Variants in CSMD1 observed in about 807,000 individuals in gnomAD.
CSMD1 encodes the protein CUB and sushi domain-containing protein 1.
Under a neutral mutation model 417.5 loss-of-function variants are expected in CSMD1, and 213 were observed. The ratio of observed to expected loss-of-function variants is 0.51; its 90% CI spans 0.46 to 0.57. CSMD1 has a LOEUF of 0.57. CSMD1 is among the 20% of genes least tolerant of loss of function. CSMD1 has a pLI of 0.00. For missense variants in CSMD1, 6,923 were observed against 4,529.7 expected (o/e 1.53, Z -15.17); for synonymous variants, 2,862 against 1,736.8 (o/e 1.65, Z -16.11).
chr8:4,403,212 C>G (rs964578322), intron 3 of CSMD1, among the ~76,000 whole-genome samples: 1 of 152,166 alleles, frequency 6.6e-6, no homozygotes, highest in African/African-American at 2.4e-5. Context: ...AACCAATTTT[C>G]TTTTCCTTAT....
rs185142878 is a variant in CSMD1, at chr8:3,147,072, C to T, written c.6031+4325G>A. 6.4e-3 allele frequency among the ~76,000 whole-genome samples: 975 copies of T among 151,988 alleles called. 12 individuals are homozygous for T. The highest frequency in any genetic ancestry group is 0.022 in the African/African-American group (927 of 41,408). On this transcript the variant is annotated intron_variant, in intron 40 of 69. Coordinates refer to ENST00000635120, the MANE Select transcript of CSMD1 (RefSeq NM_033225.6). Reference sequence around the variant, plus strand: ...TTACTCAGAGTAACTGGAGGAGCAACGCTTACTGGTAGGACAGCTGTGCCC... The same window carrying T: ...TTACTCAGAGTAACTGGAGGAGCAATGCTTACTGGTAGGACAGCTGTGCCC...
At chr8:4,588,374 CAGAGATAAAGAACTATCTCATAAAG>C (rs1799810026) in intron 2 of CSMD1, among the ~76,000 whole-genome samples, 1 of 61,724 alleles carries the variant, frequency 1.6e-5, no homozygotes, top group South Asian at 6.2e-4. Context: ...TATCTAGAGA[CAGAGATAAAGAACTATCTCATAAAG>C]ACAGAGATAA....
chr8:4,619,877 A>G (rs1801672177), intron 2 of CSMD1, among the ~76,000 whole-genome samples: 2 of 152,114 alleles, frequency 1.3e-5, no homozygotes, highest in Non-Finnish European at 2.9e-5. Flanking sequence ...TTTTAGGACA[A>G]TTACAGCATA....
intron 11 of CSMD1, among the ~76,000 whole-genome samples, chr8:3,489,329 CTAA>C (rs1283324030): frequency 6.6e-6 from 1 of 152,176 alleles, no homozygotes; most frequent in Non-Finnish European, 1.5e-5. Flanking sequence ...ACAGATGTCC[CTAA>C]TAATATTGAC....
rs145631978 is a variant in CSMD1, at chr8:3,052,766, T to A, written c.7475-119A>T. ...CATTTTTCATTAAAATTGTGAATTA[T>A]ATTTCTTTTTTTTTCTTTCTTTTTT... On this transcript the variant is annotated intron_variant, in intron 49 of 69. Transcript: ENST00000635120. The A allele has an allele frequency of 3.6e-4, 233 of 653,744 alleles. 2 individuals carry two copies. In the African/African-American group the frequency reaches 4.5e-3, roughly 13 times the overall value. 40.5% of individuals were successfully genotyped at this position (653,744 alleles called of 1,614,324 possible). A position where few individuals can be genotyped will look rare whatever the true frequency, so the allele number is the denominator to read the frequency against.
At chr8:4,662,025 G>C (rs770730544) in intron 1 of CSMD1, among the ~76,000 whole-genome samples, 2 of 151,988 alleles carry the variant, frequency 1.3e-5, no homozygotes, top group Admixed American at 6.6e-5. Context: ...ATTATATCAT[G>C]GACATACACA....
chr8:4,669,497 C>G (rs1043949173), intron 1 of CSMD1, among the ~76,000 whole-genome samples: 1 of 152,140 alleles, frequency 6.6e-6, no homozygotes, highest in Non-Finnish European at 1.5e-5. Flanking sequence ...AGTCATCTTT[C>G]CTTTCTGCCT....
rs1046384562 is a variant in CSMD1 at position 3,335,506 on chromosome 8, C to T, written c.3631+7788G>A. Among the ~76,000 whole-genome samples, 6 of 152,054 alleles carry T rather than the reference C, an allele frequency of 3.9e-5. 1 individual carries two copies. The highest frequency in any genetic ancestry group is 3.3e-4 in the Admixed American group (5 of 15,272). On this transcript the variant is annotated intron_variant, in intron 23 of 69. Coordinates refer to ENST00000635120, the MANE Select transcript of CSMD1 (RefSeq NM_033225.6). Reference sequence around the variant, plus strand: ...CAGCCTGACCAACATAGAGAAACTCCGTCTCTACTAAAAATACAAAATTAG... The same window carrying T: ...CAGCCTGACCAACATAGAGAAACTCTGTCTCTACTAAAAATACAAAATTAG...
At chr8:4,860,134 C>T (rs1314712647) in intron 1 of CSMD1, among the ~76,000 whole-genome samples, 1 of 151,446 alleles carries the variant, frequency 6.6e-6, no homozygotes, top group African/African-American at 2.4e-5. Flanking sequence ...AATTGGAAAT[C>T]ATCATTCTCA....
intron 1 of CSMD1, among the ~76,000 whole-genome samples, chr8:4,833,887 C>T (rs1405481137): frequency 1.3e-5 from 2 of 152,150 alleles, no homozygotes; most frequent in African/African-American, 4.8e-5. Context: ...AATAACAAAC[C>T]GTACATGTCA....
At chr8:4,326,623 G>A (rs181069215) in intron 3 of CSMD1, among the ~76,000 whole-genome samples, 2 of 152,258 alleles carry the variant, frequency 1.3e-5, no homozygotes, top group Admixed American at 6.5e-5. Flanking sequence ...AGAAACCTCA[G>A]AACATATAGG....
chr8:4,390,123 C>T (rs1427579037), intron 3 of CSMD1, among the ~76,000 whole-genome samples: 1 of 152,156 alleles, frequency 6.6e-6, no homozygotes, highest in East Asian at 1.9e-4. Flanking sequence ...ATTTTTAATG[C>T]TCAGCAATTG....
chr8:3,533,432 G>T (rs572064123), intron 10 of CSMD1, among the ~76,000 whole-genome samples: 2 of 152,062 alleles, frequency 1.3e-5, no homozygotes, highest in African/African-American at 4.8e-5. Context: ...CTCTGTCAGC[G>T]TCTATGAGTT....
chr8:3,820,398 G>A (rs769310579), intron 5 of CSMD1, among the ~76,000 whole-genome samples: 1 of 152,158 alleles, frequency 6.6e-6, no homozygotes, highest in African/African-American at 2.4e-5. Flanking sequence ...GACTAAAAGT[G>A]AGTCATATAC....
intron 26 of CSMD1, among the ~76,000 whole-genome samples, chr8:3,249,935 G>A (rs1331231131): frequency 6.6e-6 from 1 of 152,038 alleles, no homozygotes; most frequent in East Asian, 1.9e-4. Flanking sequence ...TAAATGTCAA[G>A]GACAAAATTA....
chr8:3,331,696 C>T (rs1181669592), intron 23 of CSMD1, among the ~76,000 whole-genome samples: 2 of 152,238 alleles, frequency 1.3e-5, no homozygotes, highest in African/African-American at 4.8e-5. Flanking sequence ...CCCCCAAAGA[C>T]ACAGCTGGCG....
chr8:3,733,758 T>A (rs1005313971), intron 6 of CSMD1, among the ~76,000 whole-genome samples: 27 of 152,138 alleles, frequency 1.8e-4, no homozygotes, highest in Admixed American at 7.9e-4. Flanking sequence ...AACCCTTATT[T>A]TACTTGTACT....
chr8:2,960,768 C>A (rs1803385005), intron 62 of CSMD1, among the ~76,000 whole-genome samples: 1 of 151,836 alleles, frequency 6.6e-6, no homozygotes, highest in South Asian at 2.1e-4. Flanking sequence ...TAAGTGGAAC[C>A]TTTTATGGGT....
At chr8:4,406,325 T>TCAAC (rs1805018416) in intron 3 of CSMD1, among the ~76,000 whole-genome samples, 1 of 152,106 alleles carries the variant, frequency 6.6e-6, no homozygotes, top group Non-Finnish European at 1.5e-5. Flanking sequence ...AGTTGTGAAT[T>TCAAC]CAACACACTC....
Sources: allele counts gnomAD v4.1 joint callset (sites outside exome capture counted in the v4.1 genomes callset), GRCh38; gene constraint gnomAD v4.1.1; transcripts MANE v1.5; gene names NCBI Gene and HGNC (gene_info 2026-07-23, HGNC 2026-07-21).